Variants in HGF observed in about 807,000 individuals in gnomAD.
HGF encodes fibroblast-derived tumor cytotoxic factor.
HGF carries 39 observed loss-of-function variants against 111.6 expected under a neutral mutation model. The observed-to-expected ratio is 0.35, with a 90% CI of 0.27 to 0.46. The LOEUF is 0.46. HGF is among the 20% of genes least tolerant of loss of function. The pLI, the probability that HGF is intolerant of heterozygous loss-of-function variation, is 1.00. For synonymous variants in HGF, 285 were observed against 294.8 expected (o/e 0.97, Z 0.34); for missense variants, 735 against 910.5 (o/e 0.81, Z 2.48).
Position 81,707,326 on chromosome 7 carries a change from C to T in HGF, c.1580G>A (p.Ser527Asn), listed in dbSNP as rs1789454743. ...HICGGSLIKE[S>N]WVLTARQCFP... is the part of the protein sequence containing the mutation. Reference sequence around the variant, plus strand: ...ACACTGTCGTGCAGTAAGAACCCAACTCTCCTTTATCAATGATCCTCCGCA... The same window carrying T: ...ACACTGTCGTGCAGTAAGAACCCAATTCTCCTTTATCAATGATCCTCCGCA... The change falls in exon 14 of 18, where the codon AGT becomes AAT. Residue 527 changes from serine to asparagine, a missense_variant. Around this residue, in one of 3 missense-constraint regions of HGF, gnomAD observed 553 missense variants for 685.6 expected, o/e 0.81. Coordinates refer to ENST00000222390, the MANE Select transcript of HGF (RefSeq NM_000601.6). 1 of 1,603,332 alleles carries T rather than the reference C, an allele frequency of 6.2e-7. No homozygotes were observed. Among genetic ancestry groups the T allele is most frequent in the Non-Finnish European group, 8.5e-7 (1 of 1,170,832 alleles).
chr7:81,758,838 C>CTGTATAAATAG, intron 2 of HGF, 34 bp from the exon 3 acceptor site: 9 of 1,341,806 alleles, frequency 6.7e-6, no homozygotes, highest in African/African-American at 1.4e-5. Context: ...AGAAGAAATA[C>CTGTATAAATAG]TACTATTTAT....
intron 4 of HGF, among the ~76,000 whole-genome samples, chr7:81,754,319 A>G (rs1788651325): frequency 6.6e-6 from 1 of 151,988 alleles, no homozygotes; most frequent in Non-Finnish European, 1.5e-5. Flanking sequence ...TGTTCAATAC[A>G]CAAATACTCA....
intron 1 of HGF, among the ~76,000 whole-genome samples, chr7:81,769,576 G>A (rs542152566): frequency 6.6e-6 from 1 of 152,270 alleles, no homozygotes; most frequent in South Asian, 2.1e-4. Flanking sequence ...AAGCAGCCAA[G>A]TTCAGCCAGT....
At chr7:81,761,633 G>T (rs192818445) in intron 2 of HGF, among the ~76,000 whole-genome samples, 4 of 151,860 alleles carry the variant, frequency 2.6e-5, no homozygotes, top group African/African-American at 9.7e-5. Context: ...CTAAAAAAAT[G>T]TGTCTTCTTC....
At chr7:81,739,675 T>C (rs1345293715) in intron 7 of HGF, among the ~76,000 whole-genome samples, 1 of 151,908 alleles carries the variant, frequency 6.6e-6, no homozygotes, top group Admixed American at 6.6e-5. Context: ...CACATGTATC[T>C]CAAGAAGGGA....
intron 14 of HGF, 86 bp from the exon 15 acceptor site, chr7:81,706,513 A>T: frequency 9.4e-7 from 1 of 1,067,834 alleles, no homozygotes; most frequent in South Asian, 1.3e-5. Context: ...ATTTTAGACT[A>T]TTAAGGCACA....
intron 5 of HGF, chr7:81,751,791 C>T: frequency 8.8e-7 from 1 of 1,132,404 alleles, no homozygotes; most frequent in Non-Finnish European, 1.1e-6. Context: ...CATTCAACTC[C>T]TTTCAGGTGC....
chr7:81,742,728 G>C (rs1176860348), intron 7 of HGF: 5 of 1,431,110 alleles, frequency 3.5e-6, no homozygotes, highest in Non-Finnish European at 4.6e-6. Flanking sequence ...ATTCAGAAAA[G>C]CTAGGTAAGG....
At chr7:81,740,229 T>G (rs944729862) in intron 7 of HGF, among the ~76,000 whole-genome samples, 1 of 152,186 alleles carries the variant, frequency 6.6e-6, no homozygotes, top group Non-Finnish European at 1.5e-5. Flanking sequence ...AGTGACATAA[T>G]CATTATCTTT....
intron 7 of HGF, among the ~76,000 whole-genome samples, chr7:81,731,094 C>T (rs1787639269): frequency 6.6e-6 from 1 of 152,168 alleles, no homozygotes; most frequent in Non-Finnish European, 1.5e-5. Context: ...TAGTTGAATG[C>T]TTTATTTCAT....
In HGF at chr7:81,708,520, CCTT is replaced by C. The variant is rs1414621741; in HGVS notation, c.1542-1159_1542-1157del. On this transcript the variant is annotated intron_variant, in intron 13 of 17. Transcript: ENST00000222390. ...ATTATTGAAAGATTTCTCCTTCCTT[CCTT>C]CTTTTTTTTTTTTTTTTTTTTTTTT... Among the ~76,000 whole-genome samples, 5 of 84,098 alleles carry C rather than the reference CCTT, an allele frequency of 5.9e-5. No homozygotes were observed. The Admixed American group carries it at 6.1e-4, about 10-fold the overall frequency. The allele number at this position is 84,098 out of a possible 152,430, so 55.2% of individuals were successfully genotyped here.
At chr7:81,713,835 A>G (rs1364673367) in intron 11 of HGF, among the ~76,000 whole-genome samples, 2 of 152,128 alleles carry the variant, frequency 1.3e-5, no homozygotes, top group Non-Finnish European at 2.9e-5. Flanking sequence ...ACCACTGTCT[A>G]TACTACACTA....
chr7:81,717,403 C>T, intron 10 of HGF, 38 bp from the exon 11 acceptor site: 2 of 1,592,884 alleles, frequency 1.3e-6, no homozygotes, highest in Non-Finnish European at 1.7e-6. Context: ...ACAAGATGCT[C>T]ATTCCATCCA....
At chr7:81,751,425 C>G (rs774830571) in intron 5 of HGF, 1 of 985,248 alleles carries the variant, frequency 1.0e-6, no homozygotes, top group Non-Finnish European at 1.2e-6. Context: ...ATTCAGTTTT[C>G]CACTGCAAAA....
chr7:81,723,992 G>C (rs1789943246), intron 9 of HGF, among the ~76,000 whole-genome samples: 1 of 151,938 alleles, frequency 6.6e-6, no homozygotes, highest in Admixed American at 6.6e-5. Context: ...TGAATGATCT[G>C]ATAAGCAATA....
intron 10 of HGF, among the ~76,000 whole-genome samples, chr7:81,719,821 C>T (rs896784096): frequency 2.0e-5 from 3 of 152,080 alleles, no homozygotes; most frequent in African/African-American, 7.2e-5. Context: ...GAATAAGGAA[C>T]TTAAAGTTAA....
intron 7 of HGF, among the ~76,000 whole-genome samples, chr7:81,740,939 G>T (rs1214178424): frequency 6.6e-6 from 1 of 152,120 alleles, no homozygotes; most frequent in Non-Finnish European, 1.5e-5. Context: ...GTTGTTGTTA[G>T]CCTCTAAGGT....
intron 4 of HGF, among the ~76,000 whole-genome samples, chr7:81,753,171 A>G (rs1788587613): frequency 6.6e-6 from 1 of 152,076 alleles, no homozygotes; most frequent in African/African-American, 2.4e-5. Flanking sequence ...TCTTAGTGTT[A>G]TTACCAGCAT....
chr7:81,726,929 A>T (rs1219019985), intron 8 of HGF, among the ~76,000 whole-genome samples: 4 of 151,942 alleles, frequency 2.6e-5, no homozygotes, highest in Non-Finnish European at 2.9e-5. Flanking sequence ...TTTAATAACT[A>T]TATTAATATT....
Sources: allele counts gnomAD v4.1 joint callset (sites outside exome capture counted in the v4.1 genomes callset), GRCh38; gene constraint gnomAD v4.1.1; regional missense constraint gnomAD v4.1.1; transcripts MANE v1.5; gene names NCBI Gene and HGNC (gene_info 2026-07-23, HGNC 2026-07-21).